The following CAMKMT variants were observed in gnomAD, a reference collection of about 807,000 sequenced individuals.
The protein encoded by CAMKMT is CaM KMT.
CAMKMT carries 53 observed loss-of-function variants against 48.0 expected under a neutral mutation model. The observed-to-expected ratio is 1.10, with a 90% CI of 0.89 to 1.39. The LOEUF is 1.39. Ranked by LOEUF, CAMKMT falls within the 40% of genes most tolerant of loss-of-function variation. The pLI is 0.00. For missense variants in CAMKMT, 428 were observed against 402.7 expected, an observed-to-expected ratio of 1.06 and a Z score of -0.54; for synonymous variants, 165 against 152.3, an observed-to-expected ratio of 1.08 and a Z score of -0.61.
intron 3 of CAMKMT, among the ~76,000 whole-genome samples, chr2:44,555,363 G>C (rs1319583961): frequency 6.6e-6 from 1 of 152,154 alleles, no homozygotes; most frequent in Non-Finnish European, 1.5e-5. Flanking sequence ...AGGGACAGGT[G>C]GGAGTCAGAC....
intron 3 of CAMKMT, among the ~76,000 whole-genome samples, chr2:44,472,264 G>C (rs1019167194): frequency 1.3e-5 from 2 of 151,970 alleles, no homozygotes; most frequent in Admixed American, 1.3e-4. Context: ...TAGTAGAGAT[G>C]GGGTTTCACT....
intron 3 of CAMKMT, among the ~76,000 whole-genome samples, chr2:44,466,932 T>A (rs1668146124): frequency 1.3e-5 from 2 of 151,968 alleles, no homozygotes; most frequent in Admixed American, 6.6e-5. Flanking sequence ...TAGAAACATA[T>A]AACCTACCAA....
intron 3 of CAMKMT, among the ~76,000 whole-genome samples, chr2:44,634,814 C>A (rs576361859): frequency 5.4e-4 from 33 of 60,620 alleles, no homozygotes; most frequent in Admixed American, 7.3e-4. Flanking sequence ...AAAAAAAAAG[C>A]ATTCTAGTCA....
intron 3 of CAMKMT, among the ~76,000 whole-genome samples, chr2:44,597,759 A>G (rs916824825): frequency 1.3e-5 from 2 of 152,120 alleles, no homozygotes; most frequent in Admixed American, 6.5e-5. Flanking sequence ...CTGTTTTGAG[A>G]TGGAGTCTTG....
chr2:44,525,004 T>C (rs1006415407), intron 3 of CAMKMT, among the ~76,000 whole-genome samples: 3 of 152,178 alleles, frequency 2.0e-5, no homozygotes, highest in Admixed American at 6.5e-5. Context: ...ATCATCCCTT[T>C]TGTATTATTT....
chr2:44,523,449 C>T (rs937177640), intron 3 of CAMKMT, among the ~76,000 whole-genome samples: 2 of 151,878 alleles, frequency 1.3e-5, no homozygotes, highest in African/African-American at 2.4e-5. Flanking sequence ...CCTGCCACCA[C>T]ACCCAGCTAA....
chr2:44,545,246 A>G (rs1300108223), intron 3 of CAMKMT, among the ~76,000 whole-genome samples: 2 of 152,266 alleles, frequency 1.3e-5, no homozygotes, highest in Non-Finnish European at 1.5e-5. Flanking sequence ...CACCATTAGC[A>G]ATGCGAGTTC....
At chr2:44,721,770 A>G (rs1212980360) in intron 7 of CAMKMT, among the ~76,000 whole-genome samples, 1 of 151,946 alleles carries the variant, frequency 6.6e-6, no homozygotes. Context: ...AGGAGTTCGA[A>G]ATCAGCCTGG....
At chr2:44,436,607 AC>A (rs1666274990) in intron 3 of CAMKMT, among the ~76,000 whole-genome samples, 1 of 151,966 alleles carries the variant, frequency 6.6e-6, no homozygotes, top group South Asian at 2.1e-4. Context: ...AAAATATAAA[AC>A]CACTCTTAAC....
intron 3 of CAMKMT, among the ~76,000 whole-genome samples, chr2:44,532,573 A>G (rs1392193843): frequency 6.6e-6 from 1 of 152,208 alleles, no homozygotes; most frequent in African/African-American, 2.4e-5. Flanking sequence ...TACTGGGGAA[A>G]AATGGCATGG....
chr2:44,749,500 T>C (rs1437183778), intron 8 of CAMKMT, among the ~76,000 whole-genome samples: 1 of 152,220 alleles, frequency 6.6e-6, no homozygotes, highest in Non-Finnish European at 1.5e-5. Flanking sequence ...GAAGACAGAA[T>C]GGAAGCTCCT....
At chr2:44,362,895 TTGAAG>T (rs906055375) in intron 1 of CAMKMT, among the ~76,000 whole-genome samples, 1 of 152,232 alleles carries the variant, frequency 6.6e-6, no homozygotes, top group African/African-American at 2.4e-5. Flanking sequence ...CGCTCACTTC[TTGAAG>T]TGAAGTCTGG....
chr2:44,571,794 A>G (rs879053200), intron 3 of CAMKMT, among the ~76,000 whole-genome samples: 9 of 152,276 alleles, frequency 5.9e-5, no homozygotes, highest in Middle Eastern at 6.8e-3. Context: ...GTGGCAACAC[A>G]GTGAGACCCT....
chr2:44,668,255 G>A (rs1043725293), intron 3 of CAMKMT, among the ~76,000 whole-genome samples: 1 of 152,176 alleles, frequency 6.6e-6, no homozygotes, highest in Non-Finnish European at 1.5e-5. Flanking sequence ...GTCCACCTGT[G>A]TCTGTGTCGT....
chr2:44,587,537 A>G (rs1377171153), intron 3 of CAMKMT, among the ~76,000 whole-genome samples: 4 of 135,530 alleles, frequency 3.0e-5, no homozygotes, highest in Non-Finnish European at 6.2e-5. Flanking sequence ...CCAAAGCTGG[A>G]CGGTACTGCT....
intron 2 of CAMKMT, among the ~76,000 whole-genome samples, chr2:44,386,099 G>A (rs1173675339): frequency 6.6e-6 from 1 of 151,972 alleles, no homozygotes; most frequent in Non-Finnish European, 1.5e-5. Context: ...GAATCCATCT[G>A]GTCCTGGACT....
intron 2 of CAMKMT, among the ~76,000 whole-genome samples, chr2:44,378,434 A>C (rs1230894856): frequency 9.2e-5 from 14 of 152,258 alleles, no homozygotes; most frequent in East Asian, 3.9e-4. Flanking sequence ...ATTTTTAAGC[A>C]CTTATTTTTG....
chr2:44,491,495 C>T (rs993611102), intron 3 of CAMKMT, among the ~76,000 whole-genome samples: 5 of 151,836 alleles, frequency 3.3e-5, no homozygotes, highest in African/African-American at 1.2e-4. Flanking sequence ...AAGAAAATAC[C>T]GAAAACAGGG....
chr2:44,596,796 G>C (rs1289059916), intron 3 of CAMKMT, among the ~76,000 whole-genome samples: 4 of 151,916 alleles, frequency 2.6e-5, no homozygotes, highest in African/African-American at 7.3e-5. Flanking sequence ...ACTCTGTCAG[G>C]AGACTACTGG....
Sources: gnomAD v4.1 joint callset for allele counts (sites outside exome capture counted in the v4.1 genomes callset) on GRCh38, gnomAD v4.1.1 for gene constraint, MANE v1.5 for transcripts, NCBI Gene and HGNC (gene_info 2026-07-23, HGNC 2026-07-21) for gene names.